The following AUH variants were observed in gnomAD, a reference collection of about 807,000 sequenced individuals.
AUH encodes methylglutaconyl-CoA hydratase, mitochondrial.
A neutral mutation model predicts 42.3 loss-of-function variants in AUH; 29 were observed. The ratio of observed to expected loss-of-function variants is 0.69; its 90% confidence interval spans 0.51 to 0.93. The LOEUF (loss-of-function observed/expected upper bound fraction) is 0.93. Among genes scored for constraint, AUH ranks in the 40% least tolerant of loss-of-function variants. The pLI, the probability that AUH is intolerant of heterozygous loss-of-function variation, is 0.00. For missense variants in AUH, 452 were observed against 438.1 expected (o/e 1.03, Z -0.28); for synonymous variants, 174 against 166.4 (o/e 1.05, Z -0.35).
At position 91,321,737 on chromosome 9, in the gene AUH, A is replaced by G. The variant is rs1370492854; in HGVS notation, c.505+3581T>C. Among the ~76,000 whole-genome samples the G allele has an allele frequency of 3.3e-5, 5 of 152,118 alleles. No homozygotes were observed. The East Asian group carries it at 7.7e-4, about 23-fold the overall frequency. On this transcript the variant is annotated intron_variant, in intron 4 of 9. Coordinates refer to ENST00000375731, the MANE Select transcript of AUH (RefSeq NM_001698.3). ...TTTTTACATTTTTAAATGCCTGGGG[A>G]AAAAAATCAAAATAAAAAATTGTTT...
At chr9:91,262,090 A>G (rs1234892379) in intron 6 of AUH, among the ~76,000 whole-genome samples, 2 of 152,190 alleles carry the variant, frequency 1.3e-5, no homozygotes, top group Non-Finnish European at 2.9e-5. Context: ...AAATAAAAGC[A>G]TTTCATGTTT....
chr9:91,304,881 G>A (rs1308175019), intron 4 of AUH, among the ~76,000 whole-genome samples: 1 of 152,172 alleles, frequency 6.6e-6, no homozygotes, highest in Non-Finnish European at 1.5e-5. Context: ...ACAGAGGTGT[G>A]AGTAAATCTA....
intron 6 of AUH, among the ~76,000 whole-genome samples, chr9:91,255,487 G>C (rs1829362384): frequency 6.6e-6 from 1 of 152,176 alleles, no homozygotes; most frequent in Non-Finnish European, 1.5e-5. Context: ...AAAGAATGTA[G>C]TTTTTAAAAG....
intron 6 of AUH, among the ~76,000 whole-genome samples, chr9:91,238,659 C>T (rs1208737533): frequency 6.6e-6 from 1 of 151,984 alleles, no homozygotes; most frequent in Non-Finnish European, 1.5e-5. Flanking sequence ...ATTATTTTTC[C>T]TTCATTTAAT....
rs139430663 is a variant in AUH at position 91,286,720 on chromosome 9, T to TAA, written c.655+9299_655+9300dup. Among the ~76,000 whole-genome samples, 513 of 132,614 alleles carry TAA rather than the reference T, an allele frequency of 3.9e-3. 1 individual carries two copies. The highest frequency in any genetic ancestry group is 6.2e-3 in the Non-Finnish European group (381 of 60,974). 87.0% of individuals were successfully genotyped at this position (132,614 alleles called of 152,430 possible). ...GACTCAGACAATCGCCTGAATTCTC[T>TAA]AAAAAAAAAAAAAAAAAATCTATCT... On this transcript the variant is annotated intron_variant, in intron 6 of 9. Transcript: ENST00000375731.
chr9:91,279,398 T>G (rs1188163932), intron 6 of AUH, among the ~76,000 whole-genome samples: 1 of 152,142 alleles, frequency 6.6e-6, no homozygotes, highest in Non-Finnish European at 1.5e-5. Context: ...ATTAGGCTAT[T>G]TGTGTTGCTA....
At chr9:91,318,384 T>C (rs1329388711) in intron 4 of AUH, among the ~76,000 whole-genome samples, 3 of 152,214 alleles carry the variant, frequency 2.0e-5, no homozygotes, top group South Asian at 2.1e-4. Context: ...AAACTACAGA[T>C]GTGTTTTCTT....
intron 6 of AUH, among the ~76,000 whole-genome samples, chr9:91,285,821 G>A (rs1826357361): frequency 6.6e-6 from 1 of 152,086 alleles, no homozygotes; most frequent in Non-Finnish European, 1.5e-5. Context: ...GTATACGCAA[G>A]GTATGTTAAT....
At chr9:91,220,384 TAC>T in intron 7 of AUH, among the ~76,000 whole-genome samples, 1 of 152,244 alleles carries the variant, frequency 6.6e-6, no homozygotes, top group East Asian at 1.9e-4. Flanking sequence ...CACAACAGAC[TAC>T]AGTCCCTTAC....
chr9:91,256,816 C>G (rs1564035104), intron 6 of AUH, among the ~76,000 whole-genome samples: 1 of 152,066 alleles, frequency 6.6e-6, no homozygotes, highest in Non-Finnish European at 1.5e-5. Flanking sequence ...AGTCTCTCCT[C>G]AACATCATGG....
intron 6 of AUH, among the ~76,000 whole-genome samples, chr9:91,265,044 T>C (rs1829896658): frequency 6.6e-6 from 1 of 152,184 alleles, no homozygotes; most frequent in Admixed American, 6.5e-5. Flanking sequence ...TGATCTTCTC[T>C]TAATCCTCCG....
intron 6 of AUH, among the ~76,000 whole-genome samples, chr9:91,292,317 C>T (rs1026654504): frequency 6.6e-4 from 99 of 151,058 alleles, no homozygotes; most frequent in African/African-American, 2.3e-3. Flanking sequence ...GCTCTGTCAC[C>T]CAGGCTGCTG....
At chr9:91,270,668 T>C (rs1825047308) in intron 6 of AUH, among the ~76,000 whole-genome samples, 1 of 152,066 alleles carries the variant, frequency 6.6e-6, no homozygotes, top group Admixed American at 6.6e-5. Context: ...CAATTCTGAC[T>C]GTGATCAAAA....
chr9:91,296,948 C>T (rs1426316759), intron 5 of AUH, among the ~76,000 whole-genome samples: 2 of 152,232 alleles, frequency 1.3e-5, no homozygotes, highest in Non-Finnish European at 2.9e-5. Context: ...GCCTTGGCAG[C>T]TCTGCTTTTA....
chr9:91,347,884 T>C (rs1831645167), intron 3 of AUH, among the ~76,000 whole-genome samples: 1 of 151,942 alleles, frequency 6.6e-6, no homozygotes, highest in Non-Finnish European at 1.5e-5. Flanking sequence ...ACCTGCACAT[T>C]GTGCACACGT....
intron 1 of AUH, among the ~76,000 whole-genome samples, chr9:91,358,258 G>C (rs1286326265): frequency 6.6e-6 from 1 of 152,172 alleles, no homozygotes; most frequent in Non-Finnish European, 1.5e-5. Context: ...AAACTACCAA[G>C]GTGAGGGTGG....
At chr9:91,276,727 A>C (rs1825574811) in intron 6 of AUH, among the ~76,000 whole-genome samples, 1 of 152,234 alleles carries the variant, frequency 6.6e-6, no homozygotes, top group Non-Finnish European at 1.5e-5. Flanking sequence ...CTTACAACAT[A>C]GCACCATGGA....
intron 6 of AUH, among the ~76,000 whole-genome samples, chr9:91,285,673 A>G (rs891599500): frequency 2.0e-5 from 3 of 152,104 alleles, no homozygotes; most frequent in Non-Finnish European, 4.4e-5. Context: ...TGTTTATTCC[A>G]CAGCTACTAA....
intron 6 of AUH, among the ~76,000 whole-genome samples, chr9:91,295,297 C>G (rs1827235892): frequency 6.6e-6 from 1 of 151,984 alleles, no homozygotes; most frequent in Non-Finnish European, 1.5e-5. Context: ...AATACATGGA[C>G]AAATAAAGAA....
Sources: allele counts gnomAD v4.1 joint callset (sites outside exome capture counted in the v4.1 genomes callset), GRCh38; gene constraint gnomAD v4.1.1; transcripts MANE v1.5; gene names NCBI Gene and HGNC (gene_info 2026-07-23, HGNC 2026-07-21).